The following ADAM29 variants were observed in gnomAD, a reference collection of about 807,000 sequenced individuals.
ADAM29 encodes ADAM metallopeptidase domain 29, also known as disintegrin and metalloproteinase domain-containing protein 29.
For synonymous variants in ADAM29, 367 were observed against 342.3 expected, an observed-to-expected ratio of 1.07 and a Z score of -0.80; for missense variants, 969 against 1,001.8, an observed-to-expected ratio of 0.97 and a Z score of 0.44.
intron 1 of ADAM29, among the ~76,000 whole-genome samples, chr4:174,919,326 G>T (rs1181455618): frequency 6.6e-6 from 1 of 152,108 alleles, no homozygotes; most frequent in Non-Finnish European, 1.5e-5. Flanking sequence ...GATTCTTTGG[G>T]TCTCATTCAC....
intron 2 of ADAM29, among the ~76,000 whole-genome samples, chr4:174,923,503 C>A (rs1699845723): frequency 7.6e-6 from 1 of 131,584 alleles, no homozygotes; most frequent in Non-Finnish European, 1.6e-5. Flanking sequence ...GTGCATCATC[C>A]CCTATATACT....
rs141968931 is a variant in ADAM29, at chr4:174,956,445, C to G, written c.-180-18901C>G. ...CCCTAACTATGAAAAATGTCCATAT[C>G]TATATCTTCAAATTCCTGTTTTAAA... On this transcript the variant is annotated intron_variant, in intron 4 of 4. Transcript: ENST00000359240. 7.8e-3 allele frequency among the ~76,000 whole-genome samples: 1,178 copies of G among 150,900 alleles called. 15 individuals are homozygous for G. Among genetic ancestry groups the G allele is most frequent in the African/African-American group, 0.026 (1,084 of 41,182 alleles).
intron 4 of ADAM29, among the ~76,000 whole-genome samples, chr4:174,968,552 A>G (rs1746282172): frequency 6.6e-6 from 1 of 152,044 alleles, no homozygotes. Context: ...GCAATCTTGA[A>G]TCATGTGCTG....
chr4:174,928,241 C>T (rs1743629017), intron 2 of ADAM29, among the ~76,000 whole-genome samples: 4 of 152,180 alleles, frequency 2.6e-5, no homozygotes, highest in Admixed American at 2.6e-4. Context: ...GGAGGCAGCC[C>T]TGCTTTCAGA....
Position 174,976,398 on chromosome 4 carries a change from T to C in ADAM29, c.873T>C (p.Thr291=). 6.3e-7 allele frequency: 1 copy of C among 1,598,288 alleles called. No homozygotes were observed. The highest frequency in any genetic ancestry group is 1.1e-5 in the South Asian group (1 of 87,486). The stretch of plus-strand genomic sequence containing the variant: ...ATGACACCTCACATCTTTTCACAAC[T>C]CTAGGATTAAGAGGGTTAAGTGGCA... The part of the protein sequence containing the change: ...MQHDTSHLFT[T]LGLRGLSGIG... The change falls in exon 5 of 5, where the codon ACT becomes ACC. Residue 291 remains threonine (T), a synonymous_variant. Transcript: ENST00000359240.
chr4:174,957,013 A>G lies in ADAM29; in HGVS notation c.-180-18333A>G, dbSNP rs77111807. ...GTTATTTTTACCTTTCTTTGCGTGC[A>G]TCCAAACATGCAAATAATACTTAAG... On this transcript the variant is annotated intron_variant, in intron 4 of 4. Coordinates refer to ENST00000359240, the MANE Select transcript of ADAM29 (RefSeq NM_014269.4). Among the ~76,000 whole-genome samples, 1,433 of 152,050 alleles carry G rather than the reference A, an allele frequency of 9.4e-3. 15 individuals carry two copies. Among genetic ancestry groups the G allele is most frequent in the Non-Finnish European group, 0.016 (1,075 of 67,802 alleles).
intron 4 of ADAM29, among the ~76,000 whole-genome samples, chr4:174,970,349 A>C (rs546627173): frequency 2.6e-4 from 39 of 152,124 alleles, no homozygotes; most frequent in Non-Finnish European, 5.0e-4. Flanking sequence ...CCGTGAGTCC[A>C]ATGCAATTCC....
intron 4 of ADAM29, among the ~76,000 whole-genome samples, chr4:174,971,344 C>T (rs1344735770): frequency 6.6e-6 from 1 of 152,102 alleles, no homozygotes; most frequent in African/African-American, 2.4e-5. Flanking sequence ...TGTTTAGTAT[C>T]CCATCATTTC....
intron 4 of ADAM29, 74 bp downstream of exon 4, chr4:174,937,087 T>A (rs948094475): frequency 8.6e-5 from 13 of 152,036 alleles, no homozygotes; most frequent in African/African-American, 2.7e-4. Flanking sequence ...ACACACATTT[T>A]AAATAGATGC....
chr4:174,958,609 G>A lies in ADAM29; in HGVS notation c.-180-16737G>A, dbSNP rs140153385. ...GGCTAATAATTATTGCTATTTTACC[G>A]ATGTCATTAGACATATTTAAAGTGA... is the stretch of plus-strand genomic sequence containing the variant. On this transcript the variant is annotated intron_variant, in intron 4 of 4. Coordinates refer to ENST00000359240, the MANE Select transcript of ADAM29 (RefSeq NM_014269.4). Among the ~76,000 whole-genome samples, 5 of 151,874 alleles carry A rather than the reference G, an allele frequency of 3.3e-5. No individual in the cohort carries two copies. In the South Asian group the frequency reaches 6.2e-4, roughly 19 times the overall value.
At chr4:174,938,261 T>C (rs1210495198) in intron 4 of ADAM29, among the ~76,000 whole-genome samples, 3 of 151,972 alleles carry the variant, frequency 2.0e-5, no homozygotes, top group Non-Finnish European at 4.4e-5. Flanking sequence ...GTAGCATGAA[T>C]TATGTGGAAG....
At chr4:174,928,145 C>G (rs1433648359) in intron 2 of ADAM29, among the ~76,000 whole-genome samples, 1 of 152,040 alleles carries the variant, frequency 6.6e-6, no homozygotes, top group Admixed American at 6.6e-5. Context: ...TGGATTTTAC[C>G]TGTAAGGGAT....
In ADAM29 at chr4:174,977,365, C is replaced by T; in HGVS notation, c.1840C>T (p.His614Tyr). Residue 614 changes from histidine (H) to tyrosine (Y), a missense_variant, in exon 5 of 5, where the codon CAC becomes TAC. Physicochemically the swap from His to Tyr is moderately conservative, Grantham distance 83. Coordinates refer to ENST00000359240, the MANE Select transcript of ADAM29 (RefSeq NM_014269.4). ...GATAGATCATATATGCATCCACAGG[C>T]ACTGTGTCCATATAACCATCTTGAA... Reference protein sequence around the residue: ...CGIDHICIHRHCVHITILNSN... With the variant: ...CGIDHICIHRYCVHITILNSN... 1.2e-6 allele frequency: 2 copies of T among 1,613,706 alleles called. No homozygotes were observed. The highest frequency in any genetic ancestry group is 1.3e-5 in the African/African-American group (1 of 75,042).
chr4:174,926,802 T>C (rs1199211967), intron 2 of ADAM29, among the ~76,000 whole-genome samples: 1 of 151,762 alleles, frequency 6.6e-6, no homozygotes, highest in Non-Finnish European at 1.5e-5. Context: ...ATAAAAATCC[T>C]CATTTGCAGT....
chr4:174,977,849 C>T lies in ADAM29; in HGVS notation c.2324C>T (p.Ser775Phe). The T allele has an allele frequency of 5.7e-6, 9 of 1,584,306 alleles. No individual in the cohort carries two copies. Among genetic ancestry groups the T allele is most frequent in the Non-Finnish European group, 7.7e-6 (9 of 1,164,162 alleles). The change falls in exon 5 of 5, where the codon TCT becomes TTT. Residue 775 changes from serine to phenylalanine, a missense_variant. Ser to Phe is a radical substitution (Grantham distance 155). Coordinates refer to ENST00000359240, the MANE Select transcript of ADAM29 (RefSeq NM_014269.4). Reference protein sequence around the residue: ...PSQSQPRVMPSQSQPPVMPSQ... With the variant: ...PSQSQPRVMPFQSQPPVMPSQ... ...CAGAGTCAACCTCGGGTGATGCCTT[C>T]TCAGAGTCAACCTCCTGTGATGCCT...
rs1409083527 is a variant in ADAM29, at chr4:174,936,965, A to T, written c.-229A>T. Reference sequence around the variant, plus strand: ...GACTTTCCTGAACAACAGGAGCAAGAATCAATGCCAGATTCTCTTCTCTAA... The same window carrying T: ...GACTTTCCTGAACAACAGGAGCAAGTATCAATGCCAGATTCTCTTCTCTAA... On this transcript the variant is annotated 5_prime_UTR_variant, in exon 4 of 5. Transcript: ENST00000359240. 1 of 152,038 alleles carries T rather than the reference A, an allele frequency of 6.6e-6. No homozygotes were observed. Among genetic ancestry groups the T allele is most frequent in the Non-Finnish European group, 1.5e-5 (1 of 67,884 alleles). 9.4% of individuals were successfully genotyped at this position (152,038 alleles called of 1,614,324 possible).
rs569188287 is a variant in ADAM29 at position 174,957,857 on chromosome 4, C to T, written c.-180-17489C>T. On this transcript the variant is annotated intron_variant, in intron 4 of 4. Transcript: ENST00000359240. ...GGTTTAAAATGTGCGATATTTGTTT[C>T]TGTATAATATTTTGAAAAGGCATTT... 2.0e-5 allele frequency among the ~76,000 whole-genome samples: 3 copies of T among 151,836 alleles called. No homozygotes were observed. The South Asian group carries it at 6.2e-4, about 32-fold the overall frequency.
chr4:174,928,989 C>CTAG (rs1340921216), intron 2 of ADAM29, among the ~76,000 whole-genome samples: 1 of 152,258 alleles, frequency 6.6e-6, no homozygotes, highest in Non-Finnish European at 1.5e-5. Flanking sequence ...GATCAAGGGC[C>CTAG]TAGAGTCAGG....
intron 4 of ADAM29, among the ~76,000 whole-genome samples, chr4:174,949,833 C>T (rs1745071167): frequency 6.6e-6 from 1 of 152,064 alleles, no homozygotes; most frequent in Non-Finnish European, 1.5e-5. Context: ...AATCCTTTCC[C>T]CCTCACTTTC....
Sources: allele counts gnomAD v4.1 joint callset (sites outside exome capture counted in the v4.1 genomes callset), GRCh38; gene constraint gnomAD v4.1.1; transcripts MANE v1.5; gene names NCBI Gene and HGNC (gene_info 2026-07-23, HGNC 2026-07-21).